AFG2A: variants seen among roughly 807,000 people sequenced by gnomAD.
The protein encoded by AFG2A is ATPase family gene 2 protein homolog A.
the AFG2A span, among the ~76,000 whole-genome samples, chr4:123,146,114 A>G: frequency 6.6e-6 from 1 of 152,160 alleles, no homozygotes; most frequent in South Asian, 2.1e-4. Flanking sequence ...TAAATAGGAA[A>G]CTAACTTTGA....
chr4:123,017,162 A>G, the AFG2A span, among the ~76,000 whole-genome samples: 7 of 41,594 alleles, frequency 1.7e-4, no homozygotes, highest in African/African-American at 4.6e-4. Context: ...GGGAGAGGGA[A>G]GGGGAGAGGG....
the AFG2A span, among the ~76,000 whole-genome samples, chr4:122,937,320 G>A: frequency 6.6e-6 from 1 of 152,090 alleles, no homozygotes; most frequent in South Asian, 2.1e-4. Flanking sequence ...CAAGTAGCTG[G>A]AACTATAGGT....
chr4:123,055,609 C>G, the AFG2A span, among the ~76,000 whole-genome samples: 1 of 152,058 alleles, frequency 6.6e-6, no homozygotes, highest in Non-Finnish European at 1.5e-5. Flanking sequence ...TTGTTACATC[C>G]TCGGAATTGG....
the AFG2A span, among the ~76,000 whole-genome samples, chr4:122,990,585 A>C: frequency 5.3e-5 from 8 of 152,138 alleles, no homozygotes; most frequent in Non-Finnish European, 1.2e-4. Flanking sequence ...ATTTGTTTTC[A>C]ATTTTTTTTT....
At chr4:122,982,843 T>C in the AFG2A span, among the ~76,000 whole-genome samples, 10 of 151,032 alleles carry the variant, frequency 6.6e-5, no homozygotes, top group Admixed American at 4.0e-4. Context: ...CATTTCTCAG[T>C]TTATTTACTT....
the AFG2A span, among the ~76,000 whole-genome samples, chr4:122,959,842 CTAAG>C: frequency 2.0e-5 from 3 of 152,142 alleles, no homozygotes; most frequent in Non-Finnish European, 2.9e-5. Flanking sequence ...TTCCAGGTTA[CTAAG>C]TATTTTCCAT....
chr4:123,053,151 A>G, the AFG2A span, among the ~76,000 whole-genome samples: 2 of 152,302 alleles, frequency 1.3e-5, no homozygotes, highest in South Asian at 2.1e-4. Context: ...CAACATCCTC[A>G]TAGACCCAAC....
At chr4:122,984,397 C>T in the AFG2A span, among the ~76,000 whole-genome samples, 1 of 152,128 alleles carries the variant, frequency 6.6e-6, no homozygotes, top group African/African-American at 2.4e-5. Context: ...ATCATATCGT[C>T]AGCAGTGACA....
At chr4:122,982,889 A>ACGGAGTCT in the AFG2A span, among the ~76,000 whole-genome samples, 1 of 91,632 alleles carries the variant, frequency 1.1e-5, no homozygotes, top group Non-Finnish European at 2.0e-5. Context: ...TTTTTTTGAG[A>ACGGAGTCT]CGGAGTCTCG....
the AFG2A span, among the ~76,000 whole-genome samples, chr4:123,262,867 T>A: frequency 8.6e-5 from 13 of 151,950 alleles, no homozygotes; most frequent in Non-Finnish European, 1.8e-4. Context: ...GGAGGAGGAG[T>A]AACTCACACT....
chr4:123,098,221 T>C, the AFG2A span, among the ~76,000 whole-genome samples: 5 of 152,166 alleles, frequency 3.3e-5, no homozygotes, highest in African/African-American at 1.2e-4. Flanking sequence ...CGTTTTTGTT[T>C]CTTTTTAAAA....
chr4:122,933,985 C>T, the AFG2A span: 2 of 1,202,538 alleles, frequency 1.7e-6, no homozygotes, highest in Admixed American at 2.8e-5. Context: ...TTTATTAATA[C>T]TCTGTCTTTG....
chr4:123,058,292 G>C, the AFG2A span, among the ~76,000 whole-genome samples: 39 of 152,328 alleles, frequency 2.6e-4, no homozygotes, highest in African/African-American at 7.9e-4. Flanking sequence ...ACAGGCAAGA[G>C]AGAATGAGAG....
chr4:123,068,430 A>G, the AFG2A span, among the ~76,000 whole-genome samples: 1 of 152,190 alleles, frequency 6.6e-6, no homozygotes, highest in Non-Finnish European at 1.5e-5. Context: ...TACAACAAAG[A>G]GCAAATTGGA....
At chr4:122,930,428 A>G in the AFG2A span, among the ~76,000 whole-genome samples, 2 of 152,290 alleles carry the variant, frequency 1.3e-5, no homozygotes, top group East Asian at 3.9e-4. Flanking sequence ...CTTGATTTTA[A>G]TATGTTCTCT....
chr4:123,001,047 C>A, the AFG2A span, among the ~76,000 whole-genome samples: 1 of 138,558 alleles, frequency 7.2e-6, no homozygotes, highest in African/African-American at 2.6e-5. Flanking sequence ...GTGTATGTGT[C>A]GAGGAATTTA....
the AFG2A span, chr4:123,056,345 G>C: frequency 3.2e-6 from 5 of 1,563,372 alleles, no homozygotes; most frequent in Admixed American, 9.9e-5. Flanking sequence ...ATACATGATT[G>C]CATTTATAAA....
At chr4:123,173,817 A>G in the AFG2A span, among the ~76,000 whole-genome samples, 5 of 152,180 alleles carry the variant, frequency 3.3e-5, no homozygotes, top group East Asian at 1.9e-4. Flanking sequence ...AACTTTAACT[A>G]TATAATTAAA....
the AFG2A span, among the ~76,000 whole-genome samples, chr4:123,053,436 G>T: frequency 3.3e-5 from 5 of 152,252 alleles, no homozygotes; most frequent in African/African-American, 7.2e-5. Flanking sequence ...GCTGCTAACT[G>T]CAGTGAGAGG....
Sources: gnomAD v4.1 joint callset for allele counts (sites outside exome capture counted in the v4.1 genomes callset) on GRCh38, gnomAD v4.1.1 for gene constraint, MANE v1.5 for transcripts, NCBI Gene and HGNC (gene_info 2026-07-23, HGNC 2026-07-21) for gene names.